GRID2: variants seen among roughly 807,000 people sequenced by gnomAD.
GRID2 encodes glutamate receptor ionotropic, delta-2.
Under a neutral mutation model 114.8 loss-of-function variants are expected in GRID2, and 33 were observed. The observed-to-expected ratio is 0.29, with a 90% confidence interval of 0.22 to 0.38. The LOEUF is 0.38. GRID2 is among the 10% of genes least tolerant of loss of function. The probability of loss-of-function intolerance (pLI) is 1.00; values close to 1 mark genes in which losing one functional copy is unlikely to be tolerated. For synonymous variants in GRID2, 505 were observed against 449.9 expected (o/e 1.12, Z -1.55); for missense variants, 1,184 against 1,257.7 (o/e 0.94, Z 0.89).
At chr4:93,437,890 CT>C (rs1721249850) in intron 10 of GRID2, among the ~76,000 whole-genome samples, 1 of 152,046 alleles carries the variant, frequency 6.6e-6, no homozygotes, top group Non-Finnish European at 1.5e-5. Context: ...TTCAAATTAC[CT>C]TTGTGTAATG....
At chr4:92,935,863 C>T (rs1246085665) in intron 2 of GRID2, among the ~76,000 whole-genome samples, 1 of 129,516 alleles carries the variant, frequency 7.7e-6, no homozygotes, top group East Asian at 2.8e-4. Context: ...GGAAGGGGAA[C>T]ATCACACTCT....
chr4:92,311,951 T>G (rs1304909349), intron 1 of GRID2, among the ~76,000 whole-genome samples: 1 of 152,056 alleles, frequency 6.6e-6, no homozygotes. Context: ...TGTCAAATAT[T>G]GATAAATGCT....
At chr4:92,595,708 A>G (rs1389336669) in intron 2 of GRID2, among the ~76,000 whole-genome samples, 1 of 152,102 alleles carries the variant, frequency 6.6e-6, no homozygotes, top group Non-Finnish European at 1.5e-5. Context: ...TCATTTCTTT[A>G]TAGTTATAAA....
At chr4:92,427,447 CTG>C (rs1732215338) in intron 1 of GRID2, among the ~76,000 whole-genome samples, 1 of 152,120 alleles carries the variant, frequency 6.6e-6, no homozygotes, top group African/African-American at 2.4e-5. Context: ...TGATAAAAAA[CTG>C]TTTTCTTGTT....
At chr4:93,606,504 G>T (rs1740255382) in intron 13 of GRID2, among the ~76,000 whole-genome samples, 1 of 152,110 alleles carries the variant, frequency 6.6e-6, no homozygotes, top group Admixed American at 6.5e-5. Context: ...GATTTAGGTT[G>T]TTTTACAATA....
In GRID2 at chr4:93,686,549, A is replaced by G. The variant is rs138347738; in HGVS notation, c.2360+60114A>G. Reference sequence around the variant, plus strand: ...TTGCATTTCAGTGGTAAATTATATAACATTAAAAGTCAGCAAGTCCCATAA... The same window carrying G: ...TTGCATTTCAGTGGTAAATTATATAGCATTAAAAGTCAGCAAGTCCCATAA... On this transcript the variant is annotated intron_variant, in intron 14 of 15. Coordinates refer to ENST00000282020, the MANE Select transcript of GRID2 (RefSeq NM_001510.4). Among the ~76,000 whole-genome samples the G allele has an allele frequency of 4.5e-3, 690 of 152,114 alleles. 6 individuals carry two copies. Among genetic ancestry groups the G allele is most frequent in the African/African-American group, 0.016 (649 of 41,534 alleles).
intron 1 of GRID2, among the ~76,000 whole-genome samples, chr4:92,579,293 T>G (rs1482145443): frequency 6.6e-6 from 1 of 152,112 alleles, no homozygotes; most frequent in Non-Finnish European, 1.5e-5. Context: ...CAGTGTATAC[T>G]CTATCATCGC....
At chr4:92,499,664 G>C (rs939790418) in intron 1 of GRID2, among the ~76,000 whole-genome samples, 2 of 152,136 alleles carry the variant, frequency 1.3e-5, no homozygotes, top group East Asian at 1.9e-4. Flanking sequence ...CCAAGCTGGA[G>C]TGCAATGGCG....
intron 2 of GRID2, among the ~76,000 whole-genome samples, chr4:92,915,119 G>C (rs1578456444): frequency 6.6e-6 from 1 of 152,044 alleles, no homozygotes; most frequent in African/African-American, 2.4e-5. Flanking sequence ...TGAGCGAAGG[G>C]GGAAGAGTCC....
intron 13 of GRID2, among the ~76,000 whole-genome samples, chr4:93,595,070 G>C (rs949018547): frequency 1.3e-5 from 2 of 152,082 alleles, no homozygotes; most frequent in Non-Finnish European, 2.9e-5. Context: ...AGCCATCTTG[G>C]CTCCTCCCTC....
At chr4:92,607,731 A>G (rs1218648503) in intron 2 of GRID2, among the ~76,000 whole-genome samples, 1 of 151,926 alleles carries the variant, frequency 6.6e-6, no homozygotes, top group Non-Finnish European at 1.5e-5. Context: ...CAGTATAATA[A>G]GGTTCTCAAC....
rs75465270 is a variant in GRID2 at position 93,352,157 on chromosome 4, A to G, written c.1246-43450A>G. On this transcript the variant is annotated intron_variant, in intron 8 of 15. Transcript: ENST00000282020. ...TGCAGTCATTCTCTTGCTGTATGCT[A>G]TAATTCCAAGCCAGGCATTCTCATC... Among the ~76,000 whole-genome samples, 255 of 152,186 alleles carry G rather than the reference A, an allele frequency of 1.7e-3. 2 individuals are homozygous for G. In the East Asian group the frequency reaches 0.018, roughly 11 times the overall value.
intron 1 of GRID2, among the ~76,000 whole-genome samples, chr4:92,531,221 T>A (rs1725341283): frequency 6.6e-6 from 1 of 152,102 alleles, no homozygotes. Flanking sequence ...CTTGTAGTAG[T>A]CTCTCTTTTA....
At chr4:93,398,728 G>T (rs1158391352) in intron 9 of GRID2, among the ~76,000 whole-genome samples, 2 of 147,826 alleles carry the variant, frequency 1.4e-5, no homozygotes, top group Non-Finnish European at 3.0e-5. Flanking sequence ...ATGGTTTTGT[G>T]ACTGGAGACA....
At chr4:92,551,109 T>G (rs1726562821) in intron 1 of GRID2, among the ~76,000 whole-genome samples, 1 of 152,170 alleles carries the variant, frequency 6.6e-6, no homozygotes, top group African/African-American at 2.4e-5. Context: ...CTTTCCCCTG[T>G]GAACTTGAAA....
intron 2 of GRID2, among the ~76,000 whole-genome samples, chr4:93,072,098 C>T (rs1728859823): frequency 6.6e-6 from 1 of 152,054 alleles, no homozygotes; most frequent in South Asian, 2.1e-4. Flanking sequence ...AATCAAGGAG[C>T]AAACTTCCTC....
intron 10 of GRID2, among the ~76,000 whole-genome samples, chr4:93,445,311 G>A (rs977762744): frequency 6.6e-6 from 1 of 151,950 alleles, no homozygotes; most frequent in Admixed American, 6.6e-5. Flanking sequence ...TAGTCAGCCA[G>A]GGAACTTCTT....
chr4:93,497,086 G>T (rs1317813748), intron 12 of GRID2, among the ~76,000 whole-genome samples: 3 of 151,480 alleles, frequency 2.0e-5, no homozygotes, highest in Non-Finnish European at 3.0e-5. Flanking sequence ...TAGGTATGTG[G>T]TGATGTCTCA....
In GRID2 at chr4:93,152,108, G is replaced by T. The variant is rs577267004; in HGVS notation, c.735+41155G>T. Among the ~76,000 whole-genome samples, 94 of 152,144 alleles carry T rather than the reference G, an allele frequency of 6.2e-4. 1 individual carries two copies. Among genetic ancestry groups the T allele is most frequent in the African/African-American group, 2.0e-3 (84 of 41,542 alleles). On this transcript the variant is annotated intron_variant, in intron 4 of 15. Coordinates refer to ENST00000282020, the MANE Select transcript of GRID2 (RefSeq NM_001510.4). The stretch of plus-strand genomic sequence containing the variant: ...GAAGGGCACAAAGAACTTCAGAAAA[G>T]CAATCAAATTTTCTTTGTTTCAGCT...
Sources: gnomAD v4.1 joint callset for allele counts (sites outside exome capture counted in the v4.1 genomes callset) on GRCh38, gnomAD v4.1.1 for gene constraint, MANE v1.5 for transcripts, NCBI Gene and HGNC (gene_info 2026-07-23, HGNC 2026-07-21) for gene names.